The following LDLRAD4 variants were observed in gnomAD, a reference collection of about 807,000 sequenced individuals.
LDLRAD4 encodes the protein low-density lipoprotein receptor class A domain-containing protein 4.
A neutral mutation model predicts 17.0 loss-of-function variants in LDLRAD4; 5 were observed. The ratio of observed to expected loss-of-function variants is 0.29; its 90% CI spans 0.15 to 0.62. The LOEUF (loss-of-function observed/expected upper bound fraction) is 0.62. Ranked by LOEUF, LDLRAD4 falls within the 20% of genes least tolerant of loss-of-function variation. The probability of loss-of-function intolerance (pLI) is 0.84; values close to 1 mark genes in which losing one functional copy is unlikely to be tolerated. For missense variants in LDLRAD4, 340 were observed against 424.7 expected (o/e 0.80, Z 1.75); for synonymous variants, 168 against 171.8 (o/e 0.98, Z 0.17).
At chr18:13,597,256 C>G (rs1207482591) in intron 3 of LDLRAD4, among the ~76,000 whole-genome samples, 1 of 152,060 alleles carries the variant, frequency 6.6e-6, no homozygotes, top group African/African-American at 2.4e-5. Flanking sequence ...TGTCTTCTGG[C>G]TTTCATTGTT....
At chr18:13,403,753 G>A (rs544884527) in intron 2 of LDLRAD4, among the ~76,000 whole-genome samples, 5 of 152,362 alleles carry the variant, frequency 3.3e-5, no homozygotes, top group African/African-American at 1.2e-4. Flanking sequence ...AGGAGCCAGG[G>A]TGTAAATGAA....
chr18:13,544,461 G>A (rs912419198), intron 3 of LDLRAD4, among the ~76,000 whole-genome samples: 1 of 152,196 alleles, frequency 6.6e-6, no homozygotes, highest in Non-Finnish European at 1.5e-5. Flanking sequence ...AACAAAGATG[G>A]GTACAAAGAT....
chr18:13,370,913 A>G (rs531185438), intron 1 of LDLRAD4, among the ~76,000 whole-genome samples: 42 of 151,790 alleles, frequency 2.8e-4, no homozygotes, highest in Non-Finnish European at 4.7e-4. Context: ...GTTTCACCAT[A>G]TTGACCAGAC....
intron 3 of LDLRAD4, among the ~76,000 whole-genome samples, chr18:13,551,051 G>A (rs530788967): frequency 3.9e-5 from 6 of 152,116 alleles, no homozygotes; most frequent in South Asian, 4.2e-4. Flanking sequence ...CTTATCTTCC[G>A]TGTGCCTCCC....
At chr18:13,650,246 T>TTGCTGCTGCTGC (rs3842394) in exon 6 of LDLRAD4, 24 of 402,158 alleles carry the variant, frequency 6.0e-5, no homozygotes, top group Admixed American at 4.8e-4. Flanking sequence ...AGACAGTCAT[T>TTGCTGCTGCTGC]TGCTGCTGCT....
chr18:13,534,314 C>T (rs913100823), intron 3 of LDLRAD4, among the ~76,000 whole-genome samples: 1 of 152,192 alleles, frequency 6.6e-6, no homozygotes, highest in East Asian at 1.9e-4. Flanking sequence ...AGATGCTCTG[C>T]ATGTGTCAAA....
Position 13,381,829 on chromosome 18 carries a change from G to C in LDLRAD4, c.-382-5512G>C, listed in dbSNP as rs182928223. ...TTGATCCTAAATGAACATAGGGTGA[G>C]ATGATGCATAGGTGAGCTGTGCCGT... On this transcript the variant is annotated intron_variant, in intron 1 of 5. Coordinates refer to ENST00000359446, the Ensembl canonical transcript of LDLRAD4. Among the ~76,000 whole-genome samples, 140 of 152,350 alleles carry C rather than the reference G, an allele frequency of 9.2e-4. 3 individuals are homozygous for C. Among genetic ancestry groups the C allele is most frequent in the Non-Finnish European group, 5.9e-4 (40 of 68,038 alleles).
Position 13,499,478 on chromosome 18 carries a change from CCGCCG to C in LDLRAD4, c.181+61095_181+61099del, listed in dbSNP as rs1386527154. Among the ~76,000 whole-genome samples, 333 of 146,910 alleles carry C rather than the reference CCGCCG, an allele frequency of 2.3e-3. 2 individuals carry two copies. The highest frequency in any genetic ancestry group is 4.2e-3 in the Non-Finnish European group (282 of 67,148). On this transcript the variant is annotated intron_variant, in intron 3 of 5. Coordinates refer to ENST00000359446, the Ensembl canonical transcript of LDLRAD4. ...GAGAATCCTTCTACTCACACACGTC[CCGCCG>C]TGGATACTGGAGAATCCTTCTTGCC... is the stretch of plus-strand genomic sequence containing the variant.
chr18:13,448,009 G>A (rs1275238036), intron 3 of LDLRAD4, among the ~76,000 whole-genome samples: 1 of 152,158 alleles, frequency 6.6e-6, no homozygotes, highest in Non-Finnish European at 1.5e-5. Context: ...TAGGGAGAGG[G>A]GGTGCTAAGA....
rs1000435645 is a variant in LDLRAD4 at position 13,440,622 on chromosome 18, G to A, written c.181+2238G>A. Among the ~76,000 whole-genome samples the A allele has an allele frequency of 3.3e-5, 5 of 152,184 alleles. No individual in the cohort carries two copies. The highest frequency in any genetic ancestry group is 5.9e-5 in the Non-Finnish European group (4 of 68,032). Reference sequence around the variant, plus strand: ...GGCTTCAGATTGATCTGGGTTCAAGGTTCGGCCTAGGGGAGTGACAGCTCC... The same window carrying A: ...GGCTTCAGATTGATCTGGGTTCAAGATTCGGCCTAGGGGAGTGACAGCTCC... On this transcript the variant is annotated intron_variant, in intron 3 of 5. Transcript: ENST00000359446. This position sits in a 1 kb window ranked among gnomAD's most constrained non-coding sequence, Gnocchi z 4.4.
chr18:13,567,459 G>T (rs913854608), intron 3 of LDLRAD4, among the ~76,000 whole-genome samples: 1 of 151,858 alleles, frequency 6.6e-6, no homozygotes, highest in African/African-American at 2.4e-5. Context: ...ACCCCCCGCC[G>T]CTGCAGCCCC....
chr18:13,605,448 C>T (rs969378725), intron 3 of LDLRAD4, among the ~76,000 whole-genome samples: 2 of 152,212 alleles, frequency 1.3e-5, no homozygotes, highest in Admixed American at 1.3e-4. Context: ...AAACTCCTGG[C>T]CTCAAGCAGT....
chr18:13,431,859 A>G (rs1479096747), intron 2 of LDLRAD4, among the ~76,000 whole-genome samples: 3 of 152,218 alleles, frequency 2.0e-5, no homozygotes, highest in East Asian at 3.9e-4. Flanking sequence ...AACTTAATTC[A>G]TTAACACAGA....
intron 3 of LDLRAD4, among the ~76,000 whole-genome samples, chr18:13,546,385 G>T (rs964222028): frequency 8.6e-6 from 1 of 115,714 alleles, no homozygotes; most frequent in African/African-American, 3.5e-5. Flanking sequence ...CCTCTTGCTT[G>T]CCTGACAGAG....
intron 4 of LDLRAD4, among the ~76,000 whole-genome samples, chr18:13,638,163 C>T (rs1219444832): frequency 2.6e-5 from 4 of 152,048 alleles, no homozygotes; most frequent in South Asian, 4.2e-4. Context: ...CCCAGCTATC[C>T]GGGAGGCTGA....
At chr18:13,286,846 G>A (rs2045651741) in intron 1 of LDLRAD4, among the ~76,000 whole-genome samples, 1 of 152,178 alleles carries the variant, frequency 6.6e-6, no homozygotes, top group African/African-American at 2.4e-5. Context: ...AGAGGCCTGG[G>A]GTGGAGGGAT....
At chr18:13,547,433 T>C (rs2094381028) in intron 3 of LDLRAD4, among the ~76,000 whole-genome samples, 1 of 152,232 alleles carries the variant, frequency 6.6e-6, no homozygotes, top group East Asian at 1.9e-4. Flanking sequence ...GCTGGAAACC[T>C]TGTAGCCGGT....
intron 3 of LDLRAD4, among the ~76,000 whole-genome samples, chr18:13,485,526 A>T (rs1165894931): frequency 6.6e-6 from 1 of 152,198 alleles, no homozygotes; most frequent in African/African-American, 2.4e-5. Context: ...GACCATCCTC[A>T]TGCTGCTTGT....
At chr18:13,358,270 A>C (rs1319826065) in intron 1 of LDLRAD4, among the ~76,000 whole-genome samples, 1 of 151,976 alleles carries the variant, frequency 6.6e-6, no homozygotes, top group African/African-American at 2.4e-5. Context: ...GTGTGTATTT[A>C]TATCTATGCA....
Sources: gnomAD v4.1 joint callset for allele counts (sites outside exome capture counted in the v4.1 genomes callset) on GRCh38, gnomAD v4.1.1 for gene constraint, Gnocchi (gnomAD v3.1) non-coding constraint, MANE v1.5 for transcripts, NCBI Gene and HGNC (gene_info 2026-07-23, HGNC 2026-07-21) for gene names.